The following NUMA1 variants were observed in gnomAD, a reference collection of about 807,000 sequenced individuals.
NUMA1 encodes nuclear mitotic apparatus protein 1.
A neutral mutation model predicts 237.1 loss-of-function variants in NUMA1; 62 were observed. That is an observed-to-expected ratio of 0.26 (90% CI 0.21 to 0.32). NUMA1 has a LOEUF of 0.32. Ranked by LOEUF, NUMA1 falls within the 10% of genes least tolerant of loss-of-function variation. The pLI is 1.00. For missense variants in NUMA1, 2,533 were observed against 2,666.5 expected (o/e 0.95, Z 1.10); for synonymous variants, 1,028 against 1,066.1 (o/e 0.96, Z 0.70).
At chr11:72,032,804 A>T in intron 3 of NUMA1, among the ~76,000 whole-genome samples, 1 of 152,240 alleles carries the variant, frequency 6.6e-6, no homozygotes, top group East Asian at 1.9e-4. Flanking sequence ...TTCATTATTA[A>T]CTGCTGTTTA....
intron 1 of NUMA1, among the ~76,000 whole-genome samples, chr11:72,071,700 C>G (rs1943458983): frequency 6.6e-6 from 1 of 152,030 alleles, no homozygotes; most frequent in Non-Finnish European, 1.5e-5. Flanking sequence ...GAAATACTTG[C>G]TGAAATAGGG....
chr11:72,019,818 G>A (rs747710050), intron 8 of NUMA1, among the ~76,000 whole-genome samples: 2 of 152,204 alleles, frequency 1.3e-5, no homozygotes, highest in Non-Finnish European at 2.9e-5. Flanking sequence ...TAACCAAAAT[G>A]AAGTGCAGGG....
chr11:72,016,551 T>A, intron 13 of NUMA1, 21 bp from the exon 14 acceptor site: 1 of 1,611,674 alleles, frequency 6.2e-7, no homozygotes, highest in South Asian at 1.1e-5. Context: ...ATGAGACCCA[T>A]GTGAACAGAG....
At chr11:72,036,492 T>C (rs1198259736) in intron 2 of NUMA1, among the ~76,000 whole-genome samples, 1 of 152,234 alleles carries the variant, frequency 6.6e-6, no homozygotes, top group Non-Finnish European at 1.5e-5. Flanking sequence ...AGGTTGTCAA[T>C]AAATAATTAC....
intron 17 of NUMA1, 43 bp downstream of exon 17, chr11:72,010,743 C>G (rs763907506): frequency 3.8e-6 from 6 of 1,594,868 alleles, no homozygotes; most frequent in Non-Finnish European, 5.1e-6. Context: ...AATAGCTTCC[C>G]TCCCTTGTCC....
At chr11:72,011,335 T>C (rs1367850769) in intron 16 of NUMA1, among the ~76,000 whole-genome samples, 1 of 152,206 alleles carries the variant, frequency 6.6e-6, no homozygotes, top group East Asian at 1.9e-4. Flanking sequence ...CACAGGCCGT[T>C]AGGGCTGGTG....
chr11:72,028,639 A>AT (rs1369868530), intron 4 of NUMA1, among the ~76,000 whole-genome samples: 1 of 152,228 alleles, frequency 6.6e-6, no homozygotes, highest in East Asian at 1.9e-4. Flanking sequence ...CAACAAGCTT[A>AT]TTAAATGCTC....
intron 21 of NUMA1, 43 bp downstream of exon 21, chr11:72,007,146 A>G (rs750060853): frequency 6.9e-6 from 11 of 1,596,950 alleles, no homozygotes; most frequent in Middle Eastern, 2.1e-4. Flanking sequence ...CTTGAGAGGA[A>G]GTGGGAATTG....
Position 72,014,734 on chromosome 11 carries a change from C to T in NUMA1, c.2769G>A (p.Val923=). The change falls in exon 15 of 27, where the codon GTG becomes GTA. Residue 923 remains valine, a synonymous_variant. Transcript: ENST00000393695. The surrounding 1 kb of genome is among the most constrained non-coding windows in gnomAD (Gnocchi z 4.6). Reference sequence around the variant, plus strand: ...TTTCCTGCTGCTCACCTGCCTTGCGCACCAAGGTCTCCAAGCGGGCCACCT... The same window carrying T: ...TTTCCTGCTGCTCACCTGCCTTGCGTACCAAGGTCTCCAAGCGGGCCACCT... The part of the protein sequence containing the change: ...SKEVARLETL[V]RKAGEQQETA... The T allele has an allele frequency of 6.2e-7, 1 of 1,614,112 alleles. No individual in the cohort carries two copies.
intron 2 of NUMA1, chr11:72,041,573 C>G (rs1260682684): frequency 6.6e-6 from 1 of 152,206 alleles, no homozygotes; most frequent in East Asian, 1.9e-4. Context: ...ATAATTAGAT[C>G]AGCCCCTGCC....
In NUMA1 at chr11:72,031,603, T is replaced by A. The variant is rs112187843; in HGVS notation, c.43-2313A>T. ...TGAGGCCAGGAGTTCAAGACCAGCCTGGGCAACATAAGGAGACCCTGGCTC... is the reference window on the plus strand; with the variant it reads ...TGAGGCCAGGAGTTCAAGACCAGCCAGGGCAACATAAGGAGACCCTGGCTC... On this transcript the variant is annotated intron_variant, in intron 3 of 26. Transcript: ENST00000393695. Among the ~76,000 whole-genome samples, 291 of 152,208 alleles carry A rather than the reference T, an allele frequency of 1.9e-3. 1 individual carries two copies. Among genetic ancestry groups the A allele is most frequent in the Middle Eastern group, 3.4e-3 (1 of 294 alleles).
intron 2 of NUMA1, among the ~76,000 whole-genome samples, chr11:72,051,368 A>G (rs1306015820): frequency 6.6e-6 from 1 of 152,218 alleles, no homozygotes; most frequent in Non-Finnish European, 1.5e-5. Flanking sequence ...TCCAAAATAC[A>G]TAAGATATGT....
chr11:72,013,280 T>TC lies in NUMA1; in HGVS notation c.4222dup (p.Glu1408GlyfsTer49). The TC allele has an allele frequency of 6.2e-7, 1 of 1,604,048 alleles. No individual in the cohort carries two copies. Among genetic ancestry groups the TC allele is most frequent in the South Asian group, 1.1e-5 (1 of 91,038 alleles). On this transcript the variant is annotated frameshift_variant, in exon 15 of 27. Coordinates refer to ENST00000393695, the MANE Select transcript of NUMA1 (RefSeq NM_006185.4). LOFTEE classifies it high-confidence loss of function. This position sits in a 1 kb window ranked among gnomAD's most constrained non-coding sequence, Gnocchi z 6.8. The stretch of plus-strand genomic sequence containing the variant: ...CACCTTCTGCCGCAGAGGAATCAGC[T>TC]CCCCAAGCTCCCGCTGGGCCCGCAG...
At chr11:72,008,623 G>A in intron 20 of NUMA1, 65 bp downstream of exon 20, 2 of 1,519,890 alleles carry the variant, frequency 1.3e-6, no homozygotes, top group South Asian at 2.2e-5. Flanking sequence ...TATCTCACTA[G>A]GATACAGCCT....
At chr11:72,028,990 G>A (rs1388977393) in intron 4 of NUMA1, among the ~76,000 whole-genome samples, 1 of 152,192 alleles carries the variant, frequency 6.6e-6, no homozygotes, top group African/African-American at 2.4e-5. Context: ...GCCTCAGGAT[G>A]GGACAAGCGT....
Position 72,044,601 on chromosome 11 carries a change from T to C in NUMA1, c.-32-8626A>G, listed in dbSNP as rs560346091. Among the ~76,000 whole-genome samples the C allele has an allele frequency of 9.8e-3, 305 of 31,098 alleles. 1 individual carries two copies. Among genetic ancestry groups the C allele is most frequent in the Non-Finnish European group, 0.027 (235 of 8,622 alleles). The allele number at this position is 31,098 out of a possible 152,430, so 20.4% of individuals were successfully genotyped here. A position where few individuals can be genotyped will look rare whatever the true frequency, so the allele number is the denominator to read the frequency against. Reference sequence around the variant, plus strand: ...TATTTAACAGTTAACAGGGGTTACTTTGGGGGGGGGGAGGAGTTAGATTGT... The same window carrying C: ...TATTTAACAGTTAACAGGGGTTACTCTGGGGGGGGGGAGGAGTTAGATTGT... On this transcript the variant is annotated intron_variant, in intron 2 of 26. Coordinates refer to ENST00000393695, the MANE Select transcript of NUMA1 (RefSeq NM_006185.4).
chr11:72,018,943 T>A lies in NUMA1; in HGVS notation c.622A>T (p.Ile208Phe), dbSNP rs1938328637. 3 of 1,613,808 alleles carry A rather than the reference T, an allele frequency of 1.9e-6. No individual in the cohort carries two copies. Among genetic ancestry groups the A allele is most frequent in the Non-Finnish European group, 2.5e-6 (3 of 1,179,940 alleles). ...SGSPASPMGD[I>F]LQTPQFQMRR... The stretch of plus-strand genomic sequence containing the variant: ...ATCTGGAACTGTGGGGTCTGCAGGA[T>A]ATCACCCATGGGAGAAGCTGGAGAA... Residue 208 changes from isoleucine (I) to phenylalanine (F), a missense_variant, in exon 10 of 27, where the codon ATC becomes TTC. Ile to Phe is a conservative substitution (Grantham distance 21). Transcript: ENST00000393695.
Position 72,014,818 on chromosome 11 carries a change from G to C in NUMA1, c.2685C>G (p.Ala895=), listed in dbSNP as rs1162931200. Residue 895 remains alanine (A), a synonymous_variant, in exon 15 of 27, where the codon GCC becomes GCG. Coordinates refer to ENST00000393695, the MANE Select transcript of NUMA1 (RefSeq NM_006185.4). The surrounding 1 kb of genome is among the most constrained non-coding windows in gnomAD (Gnocchi z 4.6). ...LQQVQEKEVR[A]QKLADDLSTL... Reference sequence around the variant, plus strand: ...TGGAGAGGTCATCTGCAAGCTTCTGGGCCCTGACTTCCTTCTCTTGGACCT... The same window carrying C: ...TGGAGAGGTCATCTGCAAGCTTCTGCGCCCTGACTTCCTTCTCTTGGACCT... 6.2e-7 allele frequency: 1 copy of C among 1,614,194 alleles called. No individual in the cohort carries two copies. The highest frequency in any genetic ancestry group is 8.5e-7 in the Non-Finnish European group (1 of 1,180,026).
chr11:72,046,656 ATTACT>A (rs569601875), intron 2 of NUMA1, among the ~76,000 whole-genome samples: 1 of 151,682 alleles, frequency 6.6e-6, no homozygotes, highest in Non-Finnish European at 1.5e-5. Context: ...AAGGAAAGAA[ATTACT>A]TTAAATTCAG....
Sources: allele counts gnomAD v4.1 joint callset (sites outside exome capture counted in the v4.1 genomes callset), GRCh38; gene constraint gnomAD v4.1.1; non-coding constraint Gnocchi (gnomAD v3.1); transcripts MANE v1.5; gene names NCBI Gene and HGNC (gene_info 2026-07-23, HGNC 2026-07-21).